DMRTB1: variants seen among roughly 807,000 people sequenced by gnomAD.
The protein encoded by DMRTB1 is doublesex- and mab-3-related transcription factor B1.
Under a neutral mutation model 25.2 loss-of-function variants are expected in DMRTB1, and 9 were observed. That is an observed-to-expected ratio of 0.36 (90% confidence interval 0.22 to 0.62). The LOEUF (loss-of-function observed/expected upper bound fraction) is 0.62, where lower values mean the gene tolerates loss of function less well. Among genes scored for constraint, DMRTB1 ranks in the 20% least tolerant of loss-of-function variants. The pLI is 0.71. For missense variants in DMRTB1, 551 were observed against 499.3 expected (o/e 1.10, Z -0.99); for synonymous variants, 269 against 238.1 (o/e 1.13, Z -1.20).
At position 53,466,667 on chromosome 1, in the gene DMRTB1, C is replaced by T; in HGVS notation, c.*5C>T. Reference sequence around the variant, plus strand: ...TCTCAGGAGCAGTCCGACTAGGCCCCAGGCCCGCCCTCCTGGCCAGCAGAG... The same window carrying T: ...TCTCAGGAGCAGTCCGACTAGGCCCTAGGCCCGCCCTCCTGGCCAGCAGAG... On this transcript the variant is annotated 3_prime_UTR_variant, in exon 4 of 4. Transcript: ENST00000371445. 3 of 1,614,132 alleles carry T rather than the reference C, an allele frequency of 1.9e-6. No homozygotes were observed. The highest frequency in any genetic ancestry group is 2.5e-6 in the Non-Finnish European group (3 of 1,180,022).
intron 1 of DMRTB1, chr1:53,460,280 G>A (rs903366810): frequency 1.9e-5 from 9 of 463,820 alleles, no homozygotes; most frequent in South Asian, 1.1e-4. Context: ...GTGCCATTCC[G>A]GCATGCAAGA....
intron 1 of DMRTB1, chr1:53,460,642 T>G (rs1188361770): frequency 6.6e-6 from 1 of 152,378 alleles, no homozygotes; most frequent in African/African-American, 2.4e-5. Flanking sequence ...CCCTTCACCT[T>G]GTACATAAAT....
chr1:53,464,290 C>T (rs910484646), intron 2 of DMRTB1, among the ~76,000 whole-genome samples: 1 of 152,298 alleles, frequency 6.6e-6, no homozygotes, highest in African/African-American at 2.4e-5. Flanking sequence ...GTAGCTTCAT[C>T]TCACTGAACC....
chr1:53,465,609 A>G (rs1160163476), intron 3 of DMRTB1, among the ~76,000 whole-genome samples: 1 of 152,230 alleles, frequency 6.6e-6, no homozygotes, highest in East Asian at 1.9e-4. Context: ...CTGTCAGACC[A>G]TCTTATGAGC....
rs746300500 is a variant in DMRTB1, at chr1:53,459,906, C to A, written c.453C>A (p.Ala151=). Residue 151 remains alanine, a synonymous_variant, in exon 1 of 4, where the codon GCC becomes GCA. Transcript: ENST00000371445. ...ACGTGGAGCCGAGCGAGCGAGCCGCCGTGGCGATGCCCAGCCTTGCGGGAC... is the reference window on the plus strand; with the variant it reads ...ACGTGGAGCCGAGCGAGCGAGCCGCAGTGGCGATGCCCAGCCTTGCGGGAC... The part of the protein sequence containing the change: ...RSHVEPSERA[A]VAMPSLAGPP... 19 of 1,542,716 alleles carry A rather than the reference C, an allele frequency of 1.2e-5. No homozygotes were observed. The South Asian group carries it at 2.1e-4, about 17-fold the overall frequency.
intron 3 of DMRTB1, among the ~76,000 whole-genome samples, chr1:53,466,394 G>A (rs996480735): frequency 1.3e-5 from 2 of 152,174 alleles, no homozygotes; most frequent in Non-Finnish European, 2.9e-5. Flanking sequence ...AGGAGGCCGA[G>A]GCAGGAGAAT....
At chr1:53,465,991 G>A (rs572182418) in intron 3 of DMRTB1, among the ~76,000 whole-genome samples, 26 of 152,340 alleles carry the variant, frequency 1.7e-4, no homozygotes, top group African/African-American at 5.8e-4. Flanking sequence ...AGGTGGATAC[G>A]TCTCATTTTA....
In DMRTB1 at chr1:53,466,874, C is replaced by T; in HGVS notation, c.*212C>T. 1 of 575,254 alleles carries T rather than the reference C, an allele frequency of 1.7e-6. No homozygotes were observed. Among genetic ancestry groups the T allele is most frequent in the South Asian group, 2.3e-5 (1 of 43,302 alleles). The allele number at this position is 575,254 out of a possible 1,614,324, so 35.6% of individuals were successfully genotyped here. A position where few individuals can be genotyped will look rare whatever the true frequency, so the allele number is the denominator to read the frequency against. ...AGAAGAGTGTGGAGGAAGCTATTAC[C>T]AGGGGAGGGCCAGGGCTCTGAGGAG... On this transcript the variant is annotated 3_prime_UTR_variant, in exon 4 of 4. Transcript: ENST00000371445.
intron 2 of DMRTB1, among the ~76,000 whole-genome samples, chr1:53,463,603 AG>A (rs1644034725): frequency 1.3e-5 from 2 of 152,384 alleles, no homozygotes; most frequent in African/African-American, 4.8e-5. Context: ...GAACGAAGTT[AG>A]GAAGTGCTGG....
chr1:53,461,078 C>A (rs75106367), intron 1 of DMRTB1, among the ~76,000 whole-genome samples: 1 of 152,194 alleles, frequency 6.6e-6, no homozygotes, highest in Admixed American at 6.5e-5. Context: ...CCTCAAGGAC[C>A]TTGTCCTTGT....
At position 53,459,664 on chromosome 1, in the gene DMRTB1, G is replaced by A. The variant is rs780788164; in HGVS notation, c.211G>A (p.Ala71Thr). 19 of 1,548,270 alleles carry A rather than the reference G, an allele frequency of 1.2e-5. No homozygotes were observed. The African/African-American group carries it at 2.5e-4, about 20-fold the overall frequency. Residue 71 changes from alanine to threonine, a missense_variant, in exon 1 of 4, where the codon GCG becomes ACG. Ala to Thr is a moderately conservative substitution (Grantham distance 58, BLOSUM62 0). Transcript: ENST00000371445. The part of the protein sequence containing the change: ...AEEEQEAALC[A>T]QGPKQASGAA... ...GGAGGAGCAGGAGGCGGCCCTGTGT[G>A]CGCAGGGGCCCAAGCAGGCCTCCGG... is the stretch of plus-strand genomic sequence containing the variant.
At chr1:53,461,275 G>C (rs1308474019) in intron 1 of DMRTB1, among the ~76,000 whole-genome samples, 198 bp from the exon 2 acceptor site, 2 of 152,240 alleles carry the variant, frequency 1.3e-5, no homozygotes, top group African/African-American at 2.4e-5. Flanking sequence ...CAGCGGGCTT[G>C]ATGGCCGTGC....
chr1:53,459,903 C>A lies in DMRTB1; in HGVS notation c.450C>A (p.Ala150=). The change falls in exon 1 of 4, where the codon GCC becomes GCA. Residue 150 remains alanine, a synonymous_variant. Transcript: ENST00000371445. Reference sequence around the variant, plus strand: ...GCCACGTGGAGCCGAGCGAGCGAGCCGCCGTGGCGATGCCCAGCCTTGCGG... The same window carrying A: ...GCCACGTGGAGCCGAGCGAGCGAGCAGCCGTGGCGATGCCCAGCCTTGCGG... ...GRSHVEPSER[A]AVAMPSLAGP... 1 of 1,538,356 alleles carries A rather than the reference C, an allele frequency of 6.5e-7. No individual in the cohort carries two copies. Among genetic ancestry groups the A allele is most frequent in the South Asian group, 1.2e-5 (1 of 84,648 alleles).
chr1:53,459,555 G>A lies in DMRTB1; in HGVS notation c.102G>A (p.Gln34=), dbSNP rs1303236877. 24 of 1,611,426 alleles carry A rather than the reference G, an allele frequency of 1.5e-5. No homozygotes were observed. The highest frequency in any genetic ancestry group is 1.9e-5 in the Non-Finnish European group (22 of 1,179,284). Reference sequence around the variant, plus strand: ...ACGCGGGCAAATGCCGCTGGAAGCAGTGCCTCTGCGAGAAGTGCTACCTGA... The same window carrying A: ...ACGCGGGCAAATGCCGCTGGAAGCAATGCCTCTGCGAGAAGTGCTACCTGA... ...KGHAGKCRWK[Q]CLCEKCYLIS... Residue 34 remains glutamine (Q), a synonymous_variant, in exon 1 of 4, where the codon CAG becomes CAA. Transcript: ENST00000371445.
intron 2 of DMRTB1, 118 bp downstream of exon 2, chr1:53,461,763 C>A: frequency 8.0e-7 from 1 of 1,249,448 alleles, no homozygotes; most frequent in Non-Finnish European, 1.1e-6. Context: ...CCATGCCAGC[C>A]CCCGAGTGCT....
chr1:53,459,493 T>C lies in DMRTB1; in HGVS notation c.40T>C (p.Cys14Arg). ...GGTGCGCACCCCCAAGTGCTCGAGATGCAGGAACCATGGCTTCCTGGTGCC... is the reference window on the plus strand; with the variant it reads ...GGTGCGCACCCCCAAGTGCTCGAGACGCAGGAACCATGGCTTCCTGGTGCC... ...KMVRTPKCSR[C>R]RNHGFLVPVK... Residue 14 changes from cysteine to arginine, a missense_variant, in exon 1 of 4, where the codon TGC becomes CGC. Transcript: ENST00000371445. 1 of 1,613,204 alleles carries C rather than the reference T, an allele frequency of 6.2e-7. No individual in the cohort carries two copies. Among genetic ancestry groups the C allele is most frequent in the Non-Finnish European group, 8.5e-7 (1 of 1,180,012 alleles).
chr1:53,463,788 G>A (rs1252128638), intron 2 of DMRTB1, among the ~76,000 whole-genome samples: 2 of 152,216 alleles, frequency 1.3e-5, no homozygotes, highest in African/African-American at 2.4e-5. Context: ...CTCAGCTCAG[G>A]ATGTGTTGCT....
At position 53,461,392 on chromosome 1, in the gene DMRTB1, A is replaced by T. The variant is rs188192790; in HGVS notation, c.578-81A>T. ...TTTCTGTGCTTGGACGGCAGCGCTG[A>T]TGACCCCGCCGCCCTGGGCCGCCCT... On this transcript the variant is annotated intron_variant, in intron 1 of 3. Coordinates refer to ENST00000371445, the MANE Select transcript of DMRTB1 (RefSeq NM_033067.3). 4 of 1,423,688 alleles carry T rather than the reference A, an allele frequency of 2.8e-6. No individual in the cohort carries two copies. In the African/African-American group the frequency reaches 5.8e-5, roughly 21 times the overall value. The allele number at this position is 1,423,688 out of a possible 1,614,324, so 88.2% of individuals were successfully genotyped here.
intron 2 of DMRTB1, among the ~76,000 whole-genome samples, chr1:53,462,192 A>G (rs1389720110): frequency 2.0e-5 from 3 of 152,266 alleles, no homozygotes; most frequent in South Asian, 2.1e-4. Flanking sequence ...TATAAGATTA[A>G]TAAAGGTCAG....
Sources: gnomAD v4.1 joint callset for allele counts (sites outside exome capture counted in the v4.1 genomes callset) on GRCh38, gnomAD v4.1.1 for gene constraint, MANE v1.5 for transcripts, NCBI Gene and HGNC (gene_info 2026-07-23, HGNC 2026-07-21) for gene names.